The following WWTR1 variants were observed in gnomAD, a reference collection of about 807,000 sequenced individuals.
The protein encoded by WWTR1 is WW domain containing transcription regulator 1, also known as WW domain-containing transcription regulator protein 1.
A neutral mutation model predicts 40.1 loss-of-function variants in WWTR1; 13 were observed. The ratio of observed to expected loss-of-function variants is 0.32; its 90% CI spans 0.21 to 0.52. The LOEUF is 0.52. WWTR1 is among the 20% of genes least tolerant of loss of function. WWTR1 has a pLI of 0.97. For missense variants in WWTR1, 436 were observed against 523.1 expected, an observed-to-expected ratio of 0.83 and a Z score of 1.63; for synonymous variants, 230 against 210.1, an observed-to-expected ratio of 1.09 and a Z score of -0.82.
intron 5 of WWTR1, among the ~76,000 whole-genome samples, chr3:149,710,567 G>A (rs199522281): frequency 9.9e-5 from 3 of 30,294 alleles, no homozygotes; most frequent in Non-Finnish European, 1.9e-4. Context: ...CATTATCCCC[G>A]CCTCCCCCCC....
chr3:149,654,807 T>G (rs1478836335), intron 2 of WWTR1, among the ~76,000 whole-genome samples: 2 of 152,258 alleles, frequency 1.3e-5, no homozygotes, highest in African/African-American at 4.8e-5. Context: ...TGTGTATATA[T>G]TCATAAACAC....
intron 2 of WWTR1, among the ~76,000 whole-genome samples, chr3:149,664,835 C>T (rs1417412599): frequency 6.6e-6 from 1 of 152,076 alleles, no homozygotes; most frequent in Non-Finnish European, 1.5e-5. Context: ...GTGATCCACC[C>T]ACCTTGGCTT....
intron 3 of WWTR1, among the ~76,000 whole-genome samples, chr3:149,562,220 G>A (rs59068182): frequency 8.1e-4 from 123 of 151,926 alleles, no homozygotes; most frequent in African/African-American, 2.9e-3. Flanking sequence ...GCTTGAACCT[G>A]GGAGGCAGAG....
Position 149,550,191 on chromosome 3 carries a change from G to T in WWTR1, c.569-7654C>A, listed in dbSNP as rs573490997. 2.0e-5 allele frequency among the ~76,000 whole-genome samples: 3 copies of T among 152,158 alleles called. No individual in the cohort carries two copies. The South Asian group carries it at 6.2e-4, about 32-fold the overall frequency. On this transcript the variant is annotated intron_variant, in intron 3 of 6. Transcript: ENST00000360632. ...TATTAATTTAATAGTCAATGGTTGGGGTATGTACAAATGGACACAATCTTT... is the reference window on the plus strand; with the variant it reads ...TATTAATTTAATAGTCAATGGTTGGTGTATGTACAAATGGACACAATCTTT...
chr3:149,620,244 T>C lies in WWTR1; in HGVS notation c.431+36632A>G, dbSNP rs80105908. Among the ~76,000 whole-genome samples, 212 of 152,254 alleles carry C rather than the reference T, an allele frequency of 1.4e-3. 2 individuals are homozygous for C. The highest frequency in any genetic ancestry group is 4.9e-3 in the African/African-American group (203 of 41,562). On this transcript the variant is annotated intron_variant, in intron 2 of 6. Coordinates refer to ENST00000360632, the MANE Select transcript of WWTR1 (RefSeq NM_015472.6). ...CAGACAACTCAGTTTCTTTATTTTTTAGATAAAGAACCCATAAAGGGAAGC... is the reference window on the plus strand; with the variant it reads ...CAGACAACTCAGTTTCTTTATTTTTCAGATAAAGAACCCATAAAGGGAAGC...
chr3:149,525,163 G>A (rs1454709934), intron 6 of WWTR1, among the ~76,000 whole-genome samples: 3 of 152,152 alleles, frequency 2.0e-5, no homozygotes, highest in African/African-American at 7.2e-5. Context: ...TCCTGAGGGA[G>A]GATGTCGTTA....
At chr3:149,618,255 C>T (rs1740099673) in intron 2 of WWTR1, among the ~76,000 whole-genome samples, 1 of 152,134 alleles carries the variant, frequency 6.6e-6, no homozygotes, top group Non-Finnish European at 1.5e-5. Context: ...AAGCTGCCTG[C>T]CCAGGCTGGC....
At chr3:149,636,120 T>TAATC (rs1309934839) in intron 2 of WWTR1, among the ~76,000 whole-genome samples, 2 of 152,210 alleles carry the variant, frequency 1.3e-5, no homozygotes, top group African/African-American at 2.4e-5. Context: ...TTTCCTGGAT[T>TAATC]AATCTGGCTA....
chr3:149,658,710 T>G (rs1576628604), upstream of WWTR1: 1 of 152,242 alleles, frequency 6.6e-6, no homozygotes, highest in Non-Finnish European at 1.5e-5. Flanking sequence ...CGCCAACGGG[T>G]GGGTTGTAAA....
intron 3 of WWTR1, among the ~76,000 whole-genome samples, chr3:149,553,927 A>G (rs939457252): frequency 8.5e-5 from 13 of 152,168 alleles, no homozygotes; most frequent in African/African-American, 3.1e-4. Flanking sequence ...CAGTCACGAT[A>G]CAATGAAGGG....
chr3:149,586,790 G>A (rs1738450098), intron 2 of WWTR1, among the ~76,000 whole-genome samples: 1 of 152,182 alleles, frequency 6.6e-6, no homozygotes, highest in Non-Finnish European at 1.5e-5. Context: ...GCTGAAGGAT[G>A]AGCTGATCAC....
chr3:149,546,246 T>C (rs1576550160), intron 3 of WWTR1, among the ~76,000 whole-genome samples: 2 of 152,336 alleles, frequency 1.3e-5, no homozygotes, highest in South Asian at 2.1e-4. Flanking sequence ...GGGTGGAACT[T>C]AGATGATAGC....
At chr3:149,556,492 T>C (rs1165048344) in intron 3 of WWTR1, among the ~76,000 whole-genome samples, 3 of 152,116 alleles carry the variant, frequency 2.0e-5, no homozygotes. Flanking sequence ...GGCGGGAGAA[T>C]TGCTTGAACC....
Position 149,539,927 on chromosome 3 carries a change from CTT to C in WWTR1, c.771+2406_771+2407del, listed in dbSNP as rs530420149. 8.3e-3 allele frequency among the ~76,000 whole-genome samples: 1,258 copies of C among 152,228 alleles called. 6 individuals carry two copies. The highest frequency in any genetic ancestry group is 0.047 in the South Asian group (227 of 4,812). On this transcript the variant is annotated intron_variant, in intron 4 of 6. Transcript: ENST00000360632. Reference sequence around the variant, plus strand: ...TTTATTATATGGTCTTAAATCATATCTTTGACAATCAGGAGCATGCTGCTTCT... The same window carrying C: ...TTTATTATATGGTCTTAAATCATATCTGACAATCAGGAGCATGCTGCTTCT...
intron 2 of WWTR1, among the ~76,000 whole-genome samples, chr3:149,628,340 G>A (rs1430390018): frequency 1.3e-5 from 2 of 152,236 alleles, no homozygotes; most frequent in African/African-American, 2.4e-5. Flanking sequence ...CTGCACTCCA[G>A]CCTGGGCAAC....
intron 6 of WWTR1, among the ~76,000 whole-genome samples, chr3:149,521,296 G>C (rs991220095): frequency 6.6e-6 from 1 of 152,170 alleles, no homozygotes; most frequent in Non-Finnish European, 1.5e-5. Flanking sequence ...GAGAGGCCTT[G>C]TCTGTAATAA....
At chr3:149,712,201 G>A (rs2108231661) in intron 5 of WWTR1, among the ~76,000 whole-genome samples, 1 of 152,286 alleles carries the variant, frequency 6.6e-6, no homozygotes, top group Non-Finnish European at 1.5e-5. Flanking sequence ...GAGGTGGGAG[G>A]ATTGAGGCCA....
At chr3:149,564,229 A>G (rs1193539823) in intron 3 of WWTR1, among the ~76,000 whole-genome samples, 3 of 152,188 alleles carry the variant, frequency 2.0e-5, no homozygotes, top group Admixed American at 6.5e-5. Context: ...CAAACAAACC[A>G]CTGTATTCTA....
chr3:149,694,132 G>A lies in WWTR1; in HGVS notation c.-108+8992C>T, dbSNP rs566544496. The stretch of plus-strand genomic sequence containing the variant: ...TAATAGGCTGGGCGCGGTGGCTCAC[G>A]CCTATAATCCCAGCACTTTGGGAGG... On this transcript the variant is annotated intron_variant, in intron 1 of 7. Transcript: ENST00000465804. Among the ~76,000 whole-genome samples, 6 of 152,284 alleles carry A rather than the reference G, an allele frequency of 3.9e-5. No homozygotes were observed. The East Asian group carries it at 5.8e-4, about 15-fold the overall frequency.
Sources: allele counts gnomAD v4.1 joint callset (sites outside exome capture counted in the v4.1 genomes callset), GRCh38; gene constraint gnomAD v4.1.1; transcripts MANE v1.5; gene names NCBI Gene and HGNC (gene_info 2026-07-23, HGNC 2026-07-21).